FAT3: variants seen among roughly 807,000 people sequenced by gnomAD.
FAT3 encodes protocadherin Fat 3.
FAT3 carries 95 observed loss-of-function variants against 310.2 expected under a neutral mutation model. The ratio of observed to expected loss-of-function variants is 0.31; its 90% confidence interval spans 0.26 to 0.36. FAT3 has a LOEUF of 0.36. Ranked by LOEUF, FAT3 falls within the 10% of genes least tolerant of loss-of-function variation. The pLI is 1.00. For missense variants in FAT3, 5,408 were observed against 5,715.6 expected (o/e 0.95, Z 1.74); for synonymous variants, 2,314 against 2,192.9 (o/e 1.06, Z -1.54).
At chr11:92,833,084 C>T (rs1004146364) in intron 14 of FAT3, among the ~76,000 whole-genome samples, 2 of 152,158 alleles carry the variant, frequency 1.3e-5, no homozygotes, top group Admixed American at 6.5e-5. Context: ...AAGTATTAGA[C>T]GTGCTTCAGG....
intron 3 of FAT3, among the ~76,000 whole-genome samples, chr11:92,567,216 G>T (rs1955491568): frequency 8.9e-6 from 1 of 112,854 alleles, no homozygotes; most frequent in Admixed American, 8.8e-5. Context: ...CCATCAAAAA[G>T]TGGGCGAAGG....
chr11:92,844,680 C>A lies in FAT3; in HGVS notation c.11313C>A (p.Arg3771=). The A allele has an allele frequency of 6.3e-7, 1 of 1,592,372 alleles. No individual in the cohort carries two copies. Among genetic ancestry groups the A allele is most frequent in the Non-Finnish European group, 8.6e-7 (1 of 1,167,012 alleles). Residue 3771 remains arginine, a synonymous_variant, in exon 19 of 28, where the codon CGC becomes CGA. Transcript: ENST00000525166. ...SHALMTYSTA[R]ISFVCPRFYR... is the part of the protein sequence containing the mutation. Reference sequence around the variant, plus strand: ...CGCTCATGACCTACAGCACGGCTCGCATCAGCTTTGTGTGTCCGCGTTTCT... The same window carrying A: ...CGCTCATGACCTACAGCACGGCTCGAATCAGCTTTGTGTGTCCGCGTTTCT...
At chr11:92,824,570 G>T (rs1948055467) in intron 13 of FAT3, among the ~76,000 whole-genome samples, 1 of 151,892 alleles carries the variant, frequency 6.6e-6, no homozygotes, top group Non-Finnish European at 1.5e-5. Flanking sequence ...AATTAAACTG[G>T]CCTGCAAAAT....
intron 19 of FAT3, among the ~76,000 whole-genome samples, chr11:92,845,227 G>T (rs1948656948): frequency 6.6e-6 from 1 of 152,242 alleles, no homozygotes; most frequent in African/African-American, 2.4e-5. Flanking sequence ...CATCACACAA[G>T]GGCCATTAGC....
In FAT3 at chr11:92,671,526, C is replaced by T. The variant is rs1299541294; in HGVS notation, c.3608-25858C>T. Reference sequence around the variant, plus strand: ...ACTAAATTGTGTCCTTCTCCCAGGACTCACCTTTAAGGTCTCTTGATCAAA... The same window carrying T: ...ACTAAATTGTGTCCTTCTCCCAGGATTCACCTTTAAGGTCTCTTGATCAAA... On this transcript the variant is annotated intron_variant, in intron 3 of 27. Coordinates refer to ENST00000525166, the MANE Select transcript of FAT3 (RefSeq NM_001367949.2). 3.9e-5 allele frequency among the ~76,000 whole-genome samples: 6 copies of T among 152,142 alleles called. No homozygotes were observed. The South Asian group carries it at 6.2e-4, about 16-fold the overall frequency.
At chr11:92,741,353 A>G (rs1310992590) in intron 4 of FAT3, among the ~76,000 whole-genome samples, 1 of 152,196 alleles carries the variant, frequency 6.6e-6, no homozygotes, top group Non-Finnish European at 1.5e-5. Context: ...ACCTGGCCAT[A>G]TACATACTTT....
intron 1 of FAT3, among the ~76,000 whole-genome samples, chr11:92,321,252 C>T (rs986838401): frequency 2.0e-5 from 3 of 151,822 alleles, no homozygotes; most frequent in East Asian, 3.9e-4. Flanking sequence ...CTGGCTAACA[C>T]GGTGAAACCC....
intron 3 of FAT3, among the ~76,000 whole-genome samples, chr11:92,696,196 A>C (rs1180592684): frequency 6.6e-6 from 1 of 152,160 alleles, no homozygotes; most frequent in Non-Finnish European, 1.5e-5. Context: ...TGTGGGGCAC[A>C]TTCCAGAATG....
chr11:92,230,386 T>C (rs2134226380), intron 1 of FAT3, among the ~76,000 whole-genome samples: 1 of 152,210 alleles, frequency 6.6e-6, no homozygotes, highest in African/African-American at 2.4e-5. Flanking sequence ...CTCCGCCTCC[T>C]GGGTTCAAGT....
chr11:92,261,354 G>A (rs771879019), intron 1 of FAT3, among the ~76,000 whole-genome samples: 26 of 152,016 alleles, frequency 1.7e-4, no homozygotes, highest in Non-Finnish European at 2.6e-4. Context: ...AGTAATTAGA[G>A]TATGTGACTG....
Position 92,798,214 on chromosome 11 carries a change from C to G in FAT3, c.5201C>G (p.Thr1734Arg). The G allele has an allele frequency of 6.2e-7, 1 of 1,613,952 alleles. No homozygotes were observed. Among genetic ancestry groups the G allele is most frequent in the Non-Finnish European group, 8.5e-7 (1 of 1,179,858 alleles). Residue 1734 changes from threonine (T) to arginine (R), a missense_variant, in exon 10 of 28, where the codon ACA becomes AGA. By Grantham distance (71) the Thr-to-Arg change is moderately conservative. This residue lies in a region of FAT3 where 4,588 missense variants were observed against 4,809.8 expected (regional missense o/e 0.95). Transcript: ENST00000525166. ...CAGAAGGCCCTGGATTATGAGCGCA[C>G]ATCCTCTTATCAACTCATCATTCAG... ...TTQKALDYER[T>R]SSYQLIIQAT...
chr11:92,643,783 C>T (rs1020632035), intron 3 of FAT3, among the ~76,000 whole-genome samples: 6 of 152,226 alleles, frequency 3.9e-5, no homozygotes, highest in African/African-American at 1.4e-4. Flanking sequence ...CACACCAAGC[C>T]ACCTAAGCAC....
In FAT3 at chr11:92,228,418, A is replaced by T. The variant is rs560599640; in HGVS notation, c.-18+3244A>T. On this transcript the variant is annotated intron_variant, in intron 1 of 27. Coordinates refer to ENST00000525166, the MANE Select transcript of FAT3 (RefSeq NM_001367949.2). ...AGCAATAAACAGTGGATACCCACTG[A>T]CCTGTATGCTATACGGTTATTTTGC... is the stretch of plus-strand genomic sequence containing the variant. 1.4e-3 allele frequency among the ~76,000 whole-genome samples: 207 copies of T among 152,270 alleles called. 1 individual carries two copies. Among genetic ancestry groups the T allele is most frequent in the Non-Finnish European group, 2.4e-3 (164 of 68,018 alleles).
intron 1 of FAT3, among the ~76,000 whole-genome samples, chr11:92,262,382 C>A (rs1865593685): frequency 1.3e-5 from 2 of 152,080 alleles, no homozygotes; most frequent in South Asian, 4.1e-4. Flanking sequence ...TGTGTAGTCA[C>A]CTTTACTGAG....
intron 2 of FAT3, among the ~76,000 whole-genome samples, chr11:92,396,994 A>C (rs1407341462): frequency 6.6e-6 from 1 of 152,128 alleles, no homozygotes; most frequent in East Asian, 1.9e-4. Context: ...GGCATGAGCC[A>C]CCACGCCTTG....
At position 92,891,925 on chromosome 11, in the gene FAT3, T is replaced by G. The variant is rs1054850365; in HGVS notation, c.*812T>G. The G allele has an allele frequency of 5.3e-5, 8 of 152,214 alleles. No homozygotes were observed. The highest frequency in any genetic ancestry group is 1.3e-4 in the Admixed American group (2 of 15,282). 9.4% of individuals were successfully genotyped at this position (152,214 alleles called of 1,614,324 possible). A position where few individuals can be genotyped will look rare whatever the true frequency, so the allele number is the denominator to read the frequency against. Reference sequence around the variant, plus strand: ...AATATTCCAGTTGGTAAATCTAACATTGCTACAGAAGTTGGCTTTGTTCAT... The same window carrying G: ...AATATTCCAGTTGGTAAATCTAACAGTGCTACAGAAGTTGGCTTTGTTCAT... On this transcript the variant is annotated 3_prime_UTR_variant, in exon 28 of 28. Transcript: ENST00000525166.
chr11:92,306,411 C>T (rs1947116963), intron 1 of FAT3, among the ~76,000 whole-genome samples: 1 of 146,490 alleles, frequency 6.8e-6, no homozygotes, highest in Admixed American at 7.1e-5. Context: ...GTTTTTGTAG[C>T]TTCAGTTTTA....
intron 22 of FAT3, among the ~76,000 whole-genome samples, chr11:92,878,155 G>A (rs934709795): frequency 2.0e-5 from 3 of 152,274 alleles, no homozygotes; most frequent in African/African-American, 7.2e-5. Flanking sequence ...TGATTTTGCA[G>A]TCTTGAATTC....
intron 4 of FAT3, among the ~76,000 whole-genome samples, chr11:92,724,298 A>G (rs1222077566): frequency 2.0e-5 from 3 of 152,130 alleles, no homozygotes; most frequent in East Asian, 1.9e-4. Context: ...TAGTACTTTC[A>G]GGTTTCCAAG....
Sources: gnomAD v4.1 joint callset for allele counts (sites outside exome capture counted in the v4.1 genomes callset) on GRCh38, gnomAD v4.1.1 for gene constraint, gnomAD v4.1.1 regional missense constraint, MANE v1.5 for transcripts, NCBI Gene and HGNC (gene_info 2026-07-23, HGNC 2026-07-21) for gene names.